The following KATNIP variants were observed in gnomAD, a reference collection of about 807,000 sequenced individuals.
The protein encoded by KATNIP is katanin interacting protein, also known as katanin-interacting protein.
In KATNIP, 126 loss-of-function variants were observed where a neutral mutation model predicts 174.0. The observed-to-expected ratio is 0.72, with a 90% confidence interval of 0.63 to 0.84. The LOEUF is 0.84. KATNIP is among the 40% of genes least tolerant of loss of function. The pLI, the probability that KATNIP is intolerant of heterozygous loss-of-function variation, is 0.00. For synonymous variants in KATNIP, 810 were observed against 835.7 expected (o/e 0.97, Z 0.53); for missense variants, 1,958 against 2,109.7 (o/e 0.93, Z 1.41).
chr16:27,695,522 C>G (rs766406004), intron 8 of KATNIP, among the ~76,000 whole-genome samples: 1 of 152,238 alleles, frequency 6.6e-6, no homozygotes, highest in Admixed American at 6.5e-5. Flanking sequence ...CCAGATCTCC[C>G]TTACCCCGAT....
intron 2 of KATNIP, among the ~76,000 whole-genome samples, chr16:27,611,619 A>G (rs2075894653): frequency 6.6e-6 from 1 of 152,202 alleles, no homozygotes; most frequent in South Asian, 2.1e-4. Context: ...TGGGGAGCCA[A>G]GATGAGCAAG....
chr16:27,581,755 C>T (rs770277043), intron 2 of KATNIP, among the ~76,000 whole-genome samples: 1 of 152,166 alleles, frequency 6.6e-6, no homozygotes, highest in Non-Finnish European at 1.5e-5. Flanking sequence ...CACCCTTTCC[C>T]CCTGAGTCCC....
Position 27,767,533 on chromosome 16 carries a change from A to G in KATNIP, c.3975+1059A>G, listed in dbSNP as rs1421215227. Reference sequence around the variant, plus strand: ...CCAGGAGTTCTAGACCAGCCTGGGCAATACAGAGAGACCCCCATCTCTACC... The same window carrying G: ...CCAGGAGTTCTAGACCAGCCTGGGCGATACAGAGAGACCCCCATCTCTACC... On this transcript the variant is annotated intron_variant, in intron 20 of 27. Transcript: ENST00000261588. Among the ~76,000 whole-genome samples the G allele has an allele frequency of 7.2e-5, 11 of 152,218 alleles. No homozygotes were observed. In the South Asian group the frequency reaches 2.3e-3, roughly 32 times the overall value.
chr16:27,699,380 T>A (rs1339171447), intron 9 of KATNIP, 154 bp from the exon 10 acceptor site: 22 of 905,988 alleles, frequency 2.4e-5, no homozygotes, highest in Non-Finnish European at 2.9e-5. Flanking sequence ...GCAACTATTG[T>A]CTGTGTTCCC....
At chr16:27,662,049 C>CATGTGTATAT (rs1555467468) in intron 6 of KATNIP, among the ~76,000 whole-genome samples, 1 of 8,638 alleles carries the variant, frequency 1.2e-4, no homozygotes, top group Non-Finnish European at 2.1e-4. Context: ...TATACACATA[C>CATGTGTATAT]ATATATATAT....
chr16:27,763,619 C>CAAAAAAAAAAAAA (rs565418198), intron 19 of KATNIP, among the ~76,000 whole-genome samples: 2 of 50,666 alleles, frequency 3.9e-5, no homozygotes, highest in African/African-American at 7.0e-5. Flanking sequence ...TGTCTCAACA[C>CAAAAAAAAAAAAA]AAAAAAAAAA....
chr16:27,623,404 C>G (rs1273108788), intron 3 of KATNIP, among the ~76,000 whole-genome samples: 1 of 152,190 alleles, frequency 6.6e-6, no homozygotes, highest in East Asian at 1.9e-4. Flanking sequence ...CTACCCAACC[C>G]AGTATTCATC....
chr16:27,590,863 T>G (rs1043394421), intron 2 of KATNIP, among the ~76,000 whole-genome samples: 1 of 152,230 alleles, frequency 6.6e-6, no homozygotes. Context: ...CTCAGGGATT[T>G]CTCAACATTT....
intron 8 of KATNIP, among the ~76,000 whole-genome samples, chr16:27,693,028 TG>T (rs1156576307): frequency 1.2e-5 from 1 of 84,062 alleles, no homozygotes; most frequent in Non-Finnish European, 2.3e-5. Flanking sequence ...ACTCCTTTTG[TG>T]GTCCTCCTGG....
rs895439389 is a variant in KATNIP, at chr16:27,588,931, G to A, written c.63+14975G>A. Among the ~76,000 whole-genome samples the A allele has an allele frequency of 6.3e-5, 9 of 142,532 alleles. No homozygotes were observed. In the East Asian group the frequency reaches 1.9e-3, roughly 30 times the overall value. 93.5% of individuals were successfully genotyped at this position (142,532 alleles called of 152,430 possible). A position where few individuals can be genotyped will look rare whatever the true frequency, so the allele number is the denominator to read the frequency against. ...GAGTCTCACTCAGTTGCCCAGGCTG[G>A]AGTGCAGTGCAGTGGTGTGATCTCA... On this transcript the variant is annotated intron_variant, in intron 2 of 27. Coordinates refer to ENST00000261588, the MANE Select transcript of KATNIP (RefSeq NM_015202.5).
intron 2 of KATNIP, among the ~76,000 whole-genome samples, chr16:27,588,758 C>T (rs776410840): frequency 3.9e-5 from 6 of 151,988 alleles, no homozygotes; most frequent in African/African-American, 7.2e-5. Context: ...CAAGTTTGCA[C>T]GTTAAACAAA....
chr16:27,745,427 G>T (rs2081255472), intron 15 of KATNIP, among the ~76,000 whole-genome samples: 1 of 152,218 alleles, frequency 6.6e-6, no homozygotes, highest in Admixed American at 6.5e-5. Flanking sequence ...GTGAGGAAAT[G>T]GCCTCACAGC....
At position 27,766,479 on chromosome 16, in the gene KATNIP, G is replaced by T. The variant is rs1051973709; in HGVS notation, c.3975+5G>T. ...CCCGAGGACACCTATCGCGGGGTAA[G>T]CTGGGGAGCAGTGGCCGTGCTCAGT... On this transcript the variant is annotated splice_donor_5th_base_variant and intron_variant, in intron 20 of 27. Coordinates refer to ENST00000261588, the MANE Select transcript of KATNIP (RefSeq NM_015202.5). 8.1e-6 allele frequency: 13 copies of T among 1,609,856 alleles called. No homozygotes were observed. Among genetic ancestry groups the T allele is most frequent in the Non-Finnish European group, 7.6e-6 (9 of 1,179,434 alleles).
At chr16:27,604,840 A>G (rs2075650802) in intron 2 of KATNIP, among the ~76,000 whole-genome samples, 2 of 152,220 alleles carry the variant, frequency 1.3e-5, no homozygotes, top group African/African-American at 2.4e-5. Context: ...ATTTATGTCT[A>G]TGGTTACCTT....
At chr16:27,761,387 A>G (rs754430977) in intron 18 of KATNIP, 26 bp from the exon 19 acceptor site, 1 of 1,587,878 alleles carries the variant, frequency 6.3e-7, no homozygotes, top group Non-Finnish European at 8.6e-7. Context: ...TCTGGTGCTA[A>G]TGGGCCACTT....
intron 17 of KATNIP, among the ~76,000 whole-genome samples, chr16:27,752,234 G>C (rs930517617): frequency 5.9e-5 from 9 of 152,124 alleles, no homozygotes; most frequent in Admixed American, 5.9e-4. Flanking sequence ...TTTTGCTTGG[G>C]GTTGCGTTTT....
chr16:27,712,520 C>A (rs1201007119), intron 13 of KATNIP, among the ~76,000 whole-genome samples: 1 of 152,134 alleles, frequency 6.6e-6, no homozygotes, highest in Admixed American at 6.5e-5. Context: ...TAGAGCTCAC[C>A]CGACAGCTGA....
intron 14 of KATNIP, among the ~76,000 whole-genome samples, chr16:27,726,479 AATTT>A (rs2080455785): frequency 3.3e-5 from 5 of 152,280 alleles, no homozygotes; most frequent in Admixed American, 2.6e-4. Flanking sequence ...GTAATTAATT[AATTT>A]TAGTTTTAAG....
chr16:27,571,765 G>A (rs190417382), intron 1 of KATNIP, among the ~76,000 whole-genome samples: 8 of 152,362 alleles, frequency 5.3e-5, no homozygotes, highest in Admixed American at 3.3e-4. Flanking sequence ...GCAGCTCAGG[G>A]ACAGTCCCTT....
Sources: gnomAD v4.1 joint callset for allele counts (sites outside exome capture counted in the v4.1 genomes callset) on GRCh38, gnomAD v4.1.1 for gene constraint, MANE v1.5 for transcripts, NCBI Gene and HGNC (gene_info 2026-07-23, HGNC 2026-07-21) for gene names.